The following SSTR2 variants were observed in gnomAD, a reference collection of about 807,000 sequenced individuals.
SSTR2 encodes somatostatin receptor type 2.
A neutral mutation model predicts 21.4 loss-of-function variants in SSTR2; 10 were observed. The ratio of observed to expected loss-of-function variants is 0.47; its 90% CI spans 0.29 to 0.79. The LOEUF (loss-of-function observed/expected upper bound fraction) is 0.79, where lower values mean the gene tolerates loss of function less well. Among genes scored for constraint, SSTR2 ranks in the 30% least tolerant of loss-of-function variants. SSTR2 has a pLI of 0.10. For missense variants in SSTR2, 364 were observed against 468.8 expected (o/e 0.78, Z 2.06); for synonymous variants, 177 against 181.3 (o/e 0.98, Z 0.19).
chr17:73,169,741 A>G lies in SSTR2; in HGVS notation c.422A>G (p.Tyr141Cys). ...FCLTVMSIDR[Y>C]LAVVHPIKSA... is the part of the protein sequence containing the mutation. The stretch of plus-strand genomic sequence containing the variant: ...CTGACAGTCATGAGCATCGACCGAT[A>G]CCTGGCTGTGGTCCACCCCATCAAG... Residue 141 changes from tyrosine (Y) to cysteine (C), a missense_variant, in exon 2 of 2, where the codon TAC becomes TGC. Physicochemically the swap from Tyr to Cys is radical, Grantham distance 194 (BLOSUM62 -2). This residue lies in a region of SSTR2 where 193 missense variants were observed against 273.1 expected (regional missense o/e 0.71). Coordinates refer to ENST00000357585, the MANE Select transcript of SSTR2 (RefSeq NM_001050.3). The surrounding 1 kb of genome is among the most constrained non-coding windows in gnomAD (Gnocchi z 5.2). 2 of 1,614,206 alleles carry G rather than the reference A, an allele frequency of 1.2e-6. No individual in the cohort carries two copies. Among genetic ancestry groups the G allele is most frequent in the Non-Finnish European group, 1.7e-6 (2 of 1,180,050 alleles).
At chr17:73,166,646 A>G (rs2061217377) in intron 1 of SSTR2, among the ~76,000 whole-genome samples, 1 of 152,104 alleles carries the variant, frequency 6.6e-6, no homozygotes, top group Non-Finnish European at 1.5e-5. Flanking sequence ...CTGGCATTGG[A>G]ATATTCTTTC....
rs750119483 is a variant in SSTR2 at position 73,169,393 on chromosome 17, T to G, written c.74T>G (p.Val25Gly). 1.2e-6 allele frequency: 2 copies of G among 1,614,212 alleles called. No homozygotes were observed. Among genetic ancestry groups the G allele is most frequent in the Non-Finnish European group, 8.5e-7 (1 of 1,180,024 alleles). Residue 25 changes from valine to glycine, a missense_variant, in exon 2 of 2, where the codon GTG becomes GGG. Val to Gly is a moderately radical substitution (Grantham distance 109). Transcript: ENST00000357585. The surrounding 1 kb of genome is among the most constrained non-coding windows in gnomAD (Gnocchi z 5.2). ...LSIPFDLNGSVVSTNTSNQTE... is the reference protein window; with the variant it reads ...LSIPFDLNGSGVSTNTSNQTE... ...ATTCCATTTGACCTCAATGGCTCTG[T>G]GGTGTCAACCAACACCTCAAACCAG... is the stretch of plus-strand genomic sequence containing the variant.
rs1568284814 is a variant in SSTR2, at chr17:73,165,298, GTGTGTGT to G, written c.-93+11_-93+17del. On this transcript the variant is annotated intron_variant, in intron 1 of 1. Transcript: ENST00000357585. ...CAGCGGAAAAGCAAAGGTGAGGGGT[GTGTGTGT>G]GTGTGTGTGTGTGTGTGTGTGTGTG... The G allele has an allele frequency of 1.5e-4, 10 of 66,346 alleles. No individual in the cohort carries two copies. Among genetic ancestry groups the G allele is most frequent in the Non-Finnish European group, 1.0e-4 (3 of 29,958 alleles). The allele number at this position is 66,346 out of a possible 1,614,324, so 4.1% of individuals were successfully genotyped here.
At chr17:73,167,316 T>A (rs564231219) in intron 1 of SSTR2, among the ~76,000 whole-genome samples, 4 of 152,180 alleles carry the variant, frequency 2.6e-5, no homozygotes, top group African/African-American at 9.6e-5. Context: ...TCACAGACAG[T>A]TGTGTGGTAG....
chr17:73,166,328 A>G (rs2145066392), intron 1 of SSTR2, among the ~76,000 whole-genome samples: 1 of 152,224 alleles, frequency 6.6e-6, no homozygotes, highest in South Asian at 2.1e-4. Context: ...TGAATGCGGG[A>G]AACATGATGG....
intron 1 of SSTR2, chr17:73,168,149 C>T (rs148733437): frequency 6.6e-6 from 1 of 152,246 alleles, no homozygotes; most frequent in African/African-American, 2.4e-5. Flanking sequence ...GCTCCTTAAA[C>T]TCTCTTAAGC....
Position 73,175,119 on chromosome 17 carries a change from C to G in SSTR2, c.*4690C>G, listed in dbSNP as rs1268667414. The stretch of plus-strand genomic sequence containing the variant: ...CTAAGAATCCCAATAGCTGGCAAGC[C>G]AAGCAGTGGAACTTATAGTAACAAC... On this transcript the variant is annotated 3_prime_UTR_variant, in exon 2 of 2. Transcript: ENST00000357585. The G allele has an allele frequency of 1.3e-5, 2 of 152,152 alleles. No homozygotes were observed. The highest frequency in any genetic ancestry group is 6.5e-5 in the Admixed American group (1 of 15,274). 9.4% of individuals were successfully genotyped at this position (152,152 alleles called of 1,614,324 possible).
rs1184930919 is a variant in SSTR2 at position 73,169,940 on chromosome 17, G to T, written c.621G>T (p.Gly207=). 3.1e-6 allele frequency: 5 copies of T among 1,607,448 alleles called. No homozygotes were observed. The South Asian group carries it at 4.4e-5, about 14-fold the overall frequency. Residue 207 remains glycine, a synonymous_variant, in exon 2 of 2, where the codon GGG becomes GGT. Transcript: ENST00000357585. The surrounding 1 kb of genome is among the most constrained non-coding windows in gnomAD (Gnocchi z 5.2). The part of the protein sequence containing the change: ...WPGESGAWYT[G]FIIYTFILGF... The stretch of plus-strand genomic sequence containing the variant: ...GTGAATCTGGGGCTTGGTACACAGG[G>T]TTCATCATCTACACTTTCATTCTGG...
At position 73,174,764 on chromosome 17, in the gene SSTR2, C is replaced by T. The variant is rs1303626133; in HGVS notation, c.*4335C>T. The stretch of plus-strand genomic sequence containing the variant: ...GATTTAAAAACAACAACAACAAAAA[C>T]CCATAAAAATAGTAAAATATAAAAA... On this transcript the variant is annotated 3_prime_UTR_variant, in exon 2 of 2. Coordinates refer to ENST00000357585, the MANE Select transcript of SSTR2 (RefSeq NM_001050.3). 2 of 152,508 alleles carry T rather than the reference C, an allele frequency of 1.3e-5. No homozygotes were observed. Among genetic ancestry groups the T allele is most frequent in the African/African-American group, 4.8e-5 (2 of 41,380 alleles). The allele number at this position is 152,508 out of a possible 1,614,324, so 9.4% of individuals were successfully genotyped here. A position where few individuals can be genotyped will look rare whatever the true frequency, so the allele number is the denominator to read the frequency against.
In SSTR2 at chr17:73,170,442, G is replaced by T. The variant is rs1042097142; in HGVS notation, c.*13G>T. ...AACCAGTATCTGAACTGCTTGGGGG[G>T]TGGGAAAGAACCAAGCCATGCTCTG... On this transcript the variant is annotated 3_prime_UTR_variant, in exon 2 of 2. Coordinates refer to ENST00000357585, the MANE Select transcript of SSTR2 (RefSeq NM_001050.3). The T allele has an allele frequency of 6.2e-7, 1 of 1,607,410 alleles. No homozygotes were observed. The highest frequency in any genetic ancestry group is 1.1e-5 in the South Asian group (1 of 90,732).
rs760546652 is a variant in SSTR2, at chr17:73,169,751, G to T, written c.432G>T (p.Val144=). Residue 144 remains valine, a synonymous_variant, in exon 2 of 2, where the codon GTG becomes GTT. Coordinates refer to ENST00000357585, the MANE Select transcript of SSTR2 (RefSeq NM_001050.3). This position sits in a 1 kb window ranked among gnomAD's most constrained non-coding sequence, Gnocchi z 5.2. ...TGAGCATCGACCGATACCTGGCTGT[G>T]GTCCACCCCATCAAGTCGGCCAAGT... The part of the protein sequence containing the change: ...TVMSIDRYLA[V]VHPIKSAKWR... 1 of 1,614,198 alleles carries T rather than the reference G, an allele frequency of 6.2e-7. No individual in the cohort carries two copies. The highest frequency in any genetic ancestry group is 8.5e-7 in the Non-Finnish European group (1 of 1,180,036).
In SSTR2 at chr17:73,171,989, GA is replaced by G. The variant is rs1390076695; in HGVS notation, c.*1561del. The G allele has an allele frequency of 1.3e-5, 1 of 74,744 alleles. No homozygotes were observed. Among genetic ancestry groups the G allele is most frequent in the Non-Finnish European group, 2.7e-5 (1 of 36,976 alleles). 4.6% of individuals were successfully genotyped at this position (74,744 alleles called of 1,614,324 possible). A position where few individuals can be genotyped will look rare whatever the true frequency, so the allele number is the denominator to read the frequency against. ...CCACAATGCGTACTAAAGACCAGAA[GA>G]CATTGTTCACAAAACAAAAGCACCC... On this transcript the variant is annotated 3_prime_UTR_variant, in exon 2 of 2. Transcript: ENST00000357585.
In SSTR2 at chr17:73,170,346, A is replaced by T. The variant is rs1466395919; in HGVS notation, c.1027A>T (p.Ser343Cys). 2.6e-5 allele frequency: 42 copies of T among 1,613,938 alleles called. No individual in the cohort carries two copies. Among genetic ancestry groups the T allele is most frequent in the Non-Finnish European group, 3.5e-5 (41 of 1,180,028 alleles). The change falls in exon 2 of 2, where the codon AGT (serine) becomes TGT (cysteine). Residue 343 changes from serine (S) to cysteine (C), a missense_variant. Around this residue, in one of 4 missense-constraint regions of SSTR2, gnomAD observed 71 missense variants for 53.8 expected, o/e 1.32. Coordinates refer to ENST00000357585, the MANE Select transcript of SSTR2 (RefSeq NM_001050.3). Reference sequence around the variant, plus strand: ...CACAGATGATGGGGAGCGGAGTGACAGTAAGCAGGACAAATCCCGGCTGAA... The same window carrying T: ...CACAGATGATGGGGAGCGGAGTGACTGTAAGCAGGACAAATCCCGGCTGAA... ...SGTDDGERSD[S>C]KQDKSRLNET...
rs919916211 is a variant in SSTR2 at position 73,169,056 on chromosome 17, C to T, written c.-92-172C>T. On this transcript the variant is annotated intron_variant, in intron 1 of 1. Transcript: ENST00000357585. This position sits in a 1 kb window ranked among gnomAD's most constrained non-coding sequence, Gnocchi z 5.2. ...CCCTTCCCTACTATTGGAAAAACAACTCAAAAAGTCTGCACACTGATGAGG... is the reference window on the plus strand; with the variant it reads ...CCCTTCCCTACTATTGGAAAAACAATTCAAAAAGTCTGCACACTGATGAGG... 6.6e-6 allele frequency among the ~76,000 whole-genome samples: 1 copy of T among 152,182 alleles called. No homozygotes were observed. The highest frequency in any genetic ancestry group is 1.5e-5 in the Non-Finnish European group (1 of 68,034).
At chr17:73,165,944 C>CG (rs998080159) in intron 1 of SSTR2, among the ~76,000 whole-genome samples, 1 of 145,502 alleles carries the variant, frequency 6.9e-6, no homozygotes, top group Non-Finnish European at 1.5e-5. Flanking sequence ...TCCTCAGCGC[C>CG]CCCCCCCCAC....
Position 73,172,431 on chromosome 17 carries a change from G to A in SSTR2, c.*2002G>A, listed in dbSNP as rs1167621393. 3 of 152,186 alleles carry A rather than the reference G, an allele frequency of 2.0e-5. No individual in the cohort carries two copies. Among genetic ancestry groups the A allele is most frequent in the Non-Finnish European group, 2.9e-5 (2 of 68,042 alleles). The allele number at this position is 152,186 out of a possible 1,614,324, so 9.4% of individuals were successfully genotyped here. A position where few individuals can be genotyped will look rare whatever the true frequency, so the allele number is the denominator to read the frequency against. On this transcript the variant is annotated 3_prime_UTR_variant, in exon 2 of 2. Transcript: ENST00000357585. Reference sequence around the variant, plus strand: ...TCCTCATCCGGCTCCCTAAGCAAGCGCTGTTGGCCGGTGGGAGTGACTAAG... The same window carrying A: ...TCCTCATCCGGCTCCCTAAGCAAGCACTGTTGGCCGGTGGGAGTGACTAAG...
intron 1 of SSTR2, among the ~76,000 whole-genome samples, chr17:73,165,525 TAG>T (rs2061213399): frequency 6.6e-6 from 1 of 151,976 alleles, no homozygotes; most frequent in African/African-American, 2.4e-5. Flanking sequence ...GGGCTGTGGG[TAG>T]AGTGTGCTGG....
At position 73,170,436 on chromosome 17, in the gene SSTR2, T is replaced by C. The variant is rs1568286456; in HGVS notation, c.*7T>C. On this transcript the variant is annotated 3_prime_UTR_variant, in exon 2 of 2. Coordinates refer to ENST00000357585, the MANE Select transcript of SSTR2 (RefSeq NM_001050.3). ...CCTCCAAACCAGTATCTGAACTGCT[T>C]GGGGGGTGGGAAAGAACCAAGCCAT... 1 of 1,608,508 alleles carries C rather than the reference T, an allele frequency of 6.2e-7. No homozygotes were observed. Among genetic ancestry groups the C allele is most frequent in the East Asian group, 2.2e-5 (1 of 44,756 alleles).
At chr17:73,165,335 T>TGTGTGA (rs1491564085) in intron 1 of SSTR2, 47 bp downstream of exon 1, 3,562 of 141,588 alleles carry the variant, frequency 0.025, 126 homozygotes, top group East Asian at 0.13. Context: ...TGTGTGTGTG[T>TGTGTGA]GATAAGAGAG....
Sources: allele counts gnomAD v4.1 joint callset (sites outside exome capture counted in the v4.1 genomes callset), GRCh38; gene constraint gnomAD v4.1.1; regional missense constraint gnomAD v4.1.1; non-coding constraint Gnocchi (gnomAD v3.1); transcripts MANE v1.5; gene names NCBI Gene and HGNC (gene_info 2026-07-23, HGNC 2026-07-21).